TNR: variants seen among roughly 807,000 people sequenced by gnomAD.
TNR encodes tenascin-R.
A neutral mutation model predicts 150.4 loss-of-function variants in TNR; 45 were observed. The ratio of observed to expected loss-of-function variants is 0.30; its 90% CI spans 0.24 to 0.38. The LOEUF (loss-of-function observed/expected upper bound fraction) is 0.38. TNR is among the 10% of genes least tolerant of loss of function. The probability of loss-of-function intolerance (pLI) is 1.00; values close to 1 mark genes in which losing one functional copy is unlikely to be tolerated. For synonymous variants in TNR, 687 were observed against 678.4 expected, an observed-to-expected ratio of 1.01 and a Z score of -0.20; for missense variants, 1,544 against 1,759.1, an observed-to-expected ratio of 0.88 and a Z score of 2.19.
At chr1:175,565,192 A>G (rs1661593477) in intron 1 of TNR, among the ~76,000 whole-genome samples, 1 of 152,202 alleles carries the variant, frequency 6.6e-6, no homozygotes, top group African/African-American at 2.4e-5. Context: ...CAAGCCAGAC[A>G]TTTTGTTTCT....
chr1:175,584,824 G>A (rs1219300596), intron 1 of TNR, among the ~76,000 whole-genome samples: 1 of 152,120 alleles, frequency 6.6e-6, no homozygotes, highest in Admixed American at 6.5e-5. Context: ...ATTTATTTTA[G>A]GCTTAGGAGC....
chr1:175,482,574 C>G (rs1294990378), intron 2 of TNR, among the ~76,000 whole-genome samples: 1 of 152,192 alleles, frequency 6.6e-6, no homozygotes. Flanking sequence ...CAGCAAAGAA[C>G]AGTAACATTC....
intron 2 of TNR, among the ~76,000 whole-genome samples, chr1:175,476,493 C>G (rs1186506686): frequency 6.6e-6 from 1 of 152,206 alleles, no homozygotes; most frequent in Non-Finnish European, 1.5e-5. Context: ...ACCTGATCCA[C>G]AGTCTTCAGT....
chr1:175,599,471 G>A lies in TNR; in HGVS notation c.-164-71102C>T, dbSNP rs1428850496. On this transcript the variant is annotated intron_variant, in intron 1 of 22. Transcript: ENST00000367674. The surrounding 1 kb of genome is among the most constrained non-coding windows in gnomAD (Gnocchi z 4.7). ...ATTACGAGGAAATGAGAAGACTTGGGGTCTTGCGATCGCCGCCGAGTGACG... is the reference window on the plus strand; with the variant it reads ...ATTACGAGGAAATGAGAAGACTTGGAGTCTTGCGATCGCCGCCGAGTGACG... Among the ~76,000 whole-genome samples the A allele has an allele frequency of 1.3e-5, 2 of 152,248 alleles. No individual in the cohort carries two copies. The highest frequency in any genetic ancestry group is 2.4e-5 in the African/African-American group (1 of 41,464).
intron 2 of TNR, among the ~76,000 whole-genome samples, chr1:175,450,957 CT>C (rs1356214105): frequency 1.3e-5 from 2 of 152,122 alleles, no homozygotes; most frequent in African/African-American, 4.8e-5. Context: ...ATAAATTCAC[CT>C]TTAGCTTGAA....
chr1:175,564,471 T>C (rs1293648924), intron 1 of TNR, among the ~76,000 whole-genome samples: 1 of 152,254 alleles, frequency 6.6e-6, no homozygotes, highest in Non-Finnish European at 1.5e-5. Flanking sequence ...ATCAGTAAAT[T>C]ACATAATTAA....
intron 1 of TNR, among the ~76,000 whole-genome samples, chr1:175,637,615 G>A (rs1558048769): frequency 6.6e-6 from 1 of 152,160 alleles, no homozygotes; most frequent in African/African-American, 2.4e-5. Flanking sequence ...TGCATGAGAG[G>A]TAATACATCT....
At chr1:175,571,800 C>T (rs889889394) in intron 1 of TNR, among the ~76,000 whole-genome samples, 2 of 152,202 alleles carry the variant, frequency 1.3e-5, no homozygotes, top group Admixed American at 1.3e-4. Flanking sequence ...GTCAATGCCA[C>T]TTTACTTGTG....
intron 1 of TNR, among the ~76,000 whole-genome samples, chr1:175,546,843 C>A (rs1399040829): frequency 1.3e-5 from 2 of 152,122 alleles, no homozygotes; most frequent in Non-Finnish European, 2.9e-5. Context: ...TGGCAGTGAG[C>A]TGAGTAAAAC....
At chr1:175,433,394 T>C (rs1207362657) in intron 2 of TNR, among the ~76,000 whole-genome samples, 3 of 152,208 alleles carry the variant, frequency 2.0e-5, no homozygotes, top group Non-Finnish European at 4.4e-5. Flanking sequence ...GGCACCATCA[T>C]GTTAGATGGC....
intron 1 of TNR, among the ~76,000 whole-genome samples, chr1:175,683,583 T>C (rs1666103929): frequency 6.6e-6 from 1 of 152,194 alleles, no homozygotes; most frequent in South Asian, 2.1e-4. Context: ...TGCCCTATCT[T>C]CTTTCCCCAG....
chr1:175,711,171 T>C (rs186044839), intron 1 of TNR, among the ~76,000 whole-genome samples: 2 of 152,170 alleles, frequency 1.3e-5, no homozygotes, highest in Non-Finnish European at 2.9e-5. Context: ...CAGAGGGTGA[T>C]TAGTGCTGTG....
intron 20 of TNR, among the ~76,000 whole-genome samples, chr1:175,332,012 C>T (rs16848188): frequency 0.21 from 31,398 of 152,170 alleles, 4,118 homozygotes; most frequent in African/African-American, 0.37. Flanking sequence ...TAGACTTGTG[C>T]TTGTGCAGAT....
chr1:175,628,883 A>G (rs537119574), intron 1 of TNR, among the ~76,000 whole-genome samples: 7 of 152,326 alleles, frequency 4.6e-5, no homozygotes, highest in African/African-American at 1.7e-4. Context: ...GTGGCCATCG[A>G]GGTTAAGTCA....
At chr1:175,386,413 T>A in intron 7 of TNR, 112 bp from the exon 8 acceptor site, 2 of 1,161,386 alleles carry the variant, frequency 1.7e-6, no homozygotes, top group South Asian at 3.5e-5. Context: ...AGAGGATGGG[T>A]ATTGTTACTG....
chr1:175,593,098 T>A (rs1415063104), intron 1 of TNR, among the ~76,000 whole-genome samples: 2 of 152,152 alleles, frequency 1.3e-5, no homozygotes, highest in Non-Finnish European at 2.9e-5. Flanking sequence ...CCAAAGAGAA[T>A]CAATAGTGGC....
intron 6 of TNR, 70 bp from the exon 7 acceptor site, chr1:175,391,508 T>A: frequency 6.6e-7 from 1 of 1,522,140 alleles, no homozygotes; most frequent in South Asian, 1.2e-5. Context: ...GAGAGAAAGA[T>A]AAAGGTGTGG....
intron 1 of TNR, among the ~76,000 whole-genome samples, chr1:175,535,237 C>T (rs1415400814): frequency 6.6e-6 from 1 of 152,122 alleles, no homozygotes; most frequent in Non-Finnish European, 1.5e-5. Flanking sequence ...ATTCCCTGTT[C>T]CTCAATGTCC....
chr1:175,441,377 A>T (rs1457189307), intron 2 of TNR, among the ~76,000 whole-genome samples: 2 of 152,190 alleles, frequency 1.3e-5, no homozygotes, highest in African/African-American at 2.4e-5. Context: ...AATATAATAG[A>T]TGAGTGCTTT....
Sources: allele counts gnomAD v4.1 joint callset (sites outside exome capture counted in the v4.1 genomes callset), GRCh38; gene constraint gnomAD v4.1.1; non-coding constraint Gnocchi (gnomAD v3.1); transcripts MANE v1.5; gene names NCBI Gene and HGNC (gene_info 2026-07-23, HGNC 2026-07-21).